The following CADM2 variants were observed in gnomAD, a reference collection of about 807,000 sequenced individuals.
CADM2 encodes the protein immunoglobulin superfamily member 4D.
A neutral mutation model predicts 49.8 loss-of-function variants in CADM2; 12 were observed. The ratio of observed to expected loss-of-function variants is 0.24; its 90% CI spans 0.15 to 0.39. CADM2 has a LOEUF of 0.39. CADM2 is among the 10% of genes least tolerant of loss of function. The pLI is 1.00. For missense variants in CADM2, 378 were observed against 492.3 expected (o/e 0.77, Z 2.20); for synonymous variants, 214 against 175.4 (o/e 1.22, Z -1.74).
chr3:85,678,945 C>T (rs1361953876), intron 1 of CADM2, among the ~76,000 whole-genome samples: 1 of 151,978 alleles, frequency 6.6e-6, no homozygotes, highest in Non-Finnish European at 1.5e-5. Flanking sequence ...CATAGGGCAG[C>T]CCCCCACAGT....
intron 1 of CADM2, among the ~76,000 whole-genome samples, chr3:85,111,836 A>G (rs1341677777): frequency 1.3e-5 from 2 of 151,900 alleles, no homozygotes; most frequent in Non-Finnish European, 2.9e-5. Context: ...TTTCAACTGT[A>G]AGATAAAATT....
At chr3:85,824,384 A>T (rs2073784675) in intron 3 of CADM2, among the ~76,000 whole-genome samples, 1 of 152,108 alleles carries the variant, frequency 6.6e-6, no homozygotes. Flanking sequence ...CTTGTGTGGG[A>T]AATAAAATGG....
At chr3:85,340,333 C>T (rs1394091511) in intron 1 of CADM2, among the ~76,000 whole-genome samples, 1 of 151,498 alleles carries the variant, frequency 6.6e-6, no homozygotes, top group Non-Finnish European at 1.5e-5. Context: ...TAAACACATA[C>T]TGTTCTCTGA....
intron 8 of CADM2, chr3:86,013,705 TAA>T (rs1731839096): frequency 6.3e-7 from 1 of 1,599,604 alleles, no homozygotes; most frequent in Non-Finnish European, 8.5e-7. Context: ...TCTCATAGCC[TAA>T]GAGAGGAATT....
chr3:85,623,869 A>G (rs571842170), intron 1 of CADM2, among the ~76,000 whole-genome samples: 63 of 152,250 alleles, frequency 4.1e-4, no homozygotes, highest in Admixed American at 3.5e-3. Context: ...TTTTTATTCC[A>G]AGACAAGTAA....
At position 84,978,188 on chromosome 3, in the gene CADM2, ATTTC is replaced by A. The variant is rs748955636; in HGVS notation, c.61+18527_61+18530del. On this transcript the variant is annotated intron_variant, in intron 1 of 9. Coordinates refer to ENST00000383699, the MANE Select transcript of CADM2 (RefSeq NM_001167675.2). ...TTTGTGTCACTATCAGGAATTATGTATTTCTTTCTTGTTAACGTGTATGTTTTCT... is the reference window on the plus strand; with the variant it reads ...TTTGTGTCACTATCAGGAATTATGTATTTCTTGTTAACGTGTATGTTTTCT... Among the ~76,000 whole-genome samples the A allele has an allele frequency of 3.2e-4, 49 of 152,172 alleles. 1 individual carries two copies. Among genetic ancestry groups the A allele is most frequent in the South Asian group, 2.7e-3 (13 of 4,826 alleles).
At position 85,746,976 on chromosome 3, in the gene CADM2, T is replaced by G. The variant is rs192092927; in HGVS notation, c.88+20428T>G. Among the ~76,000 whole-genome samples, 419 of 152,232 alleles carry G rather than the reference T, an allele frequency of 2.8e-3. 1 individual carries two copies. The highest frequency in any genetic ancestry group is 9.7e-3 in the African/African-American group (404 of 41,546). On this transcript the variant is annotated intron_variant, in intron 2 of 9. Transcript: ENST00000383699. ...ATTTTTGAATTTACATTTTCCCTGT[T>G]GTCAGGATACTGAATAACCTGACTT...
At position 85,953,966 on chromosome 3, in the gene CADM2, T is replaced by C. The variant is rs1723750048; in HGVS notation, c.792-7503T>C. ...AAATAGTTCTGAAGTTTTGTTTTTT[T>C]CTCATGCATACATGTATAAAGACTA... On this transcript the variant is annotated intron_variant, in intron 7 of 9. Transcript: ENST00000383699. 2.6e-5 allele frequency among the ~76,000 whole-genome samples: 4 copies of C among 150,978 alleles called. No individual in the cohort carries two copies. In the South Asian group the frequency reaches 8.3e-4, roughly 31 times the overall value.
chr3:85,025,883 C>T (rs1233941725), intron 1 of CADM2, among the ~76,000 whole-genome samples: 1 of 151,726 alleles, frequency 6.6e-6, no homozygotes, highest in Non-Finnish European at 1.5e-5. Context: ...TGCCCGGTAG[C>T]TCTTCTTTTA....
intron 1 of CADM2, among the ~76,000 whole-genome samples, chr3:85,074,760 T>G (rs1003739887): frequency 3.9e-5 from 6 of 152,202 alleles, no homozygotes; most frequent in Middle Eastern, 6.8e-3. Flanking sequence ...GTGTCAGCAT[T>G]GGAGAGGGAG....
chr3:84,986,900 A>G (rs903240377), intron 1 of CADM2, among the ~76,000 whole-genome samples: 2 of 151,692 alleles, frequency 1.3e-5, no homozygotes, highest in Admixed American at 1.3e-4. Context: ...AAAAATACAA[A>G]AATTAGCTGG....
chr3:85,863,292 C>T (rs2075604750), intron 3 of CADM2, among the ~76,000 whole-genome samples: 1 of 152,046 alleles, frequency 6.6e-6, no homozygotes, highest in Non-Finnish European at 1.5e-5. Context: ...ATGTCCCCTC[C>T]AAAATCATGT....
At chr3:85,372,989 G>A (rs1020756619) in intron 1 of CADM2, among the ~76,000 whole-genome samples, 6 of 152,040 alleles carry the variant, frequency 3.9e-5, no homozygotes, top group African/African-American at 9.7e-5. Flanking sequence ...TGAGATTTGG[G>A]TGGAGACACA....
chr3:85,983,049 T>G (rs1355108416), intron 8 of CADM2, among the ~76,000 whole-genome samples: 1 of 151,772 alleles, frequency 6.6e-6, no homozygotes, highest in East Asian at 1.9e-4. Flanking sequence ...TATCTCCATT[T>G]ACACTTTTAC....
intron 1 of CADM2, among the ~76,000 whole-genome samples, chr3:85,269,942 C>T (rs1317339604): frequency 6.6e-6 from 1 of 151,022 alleles, no homozygotes; most frequent in Non-Finnish European, 1.5e-5. Flanking sequence ...TATATTGTAA[C>T]CCACAATATC....
intron 1 of CADM2, among the ~76,000 whole-genome samples, chr3:85,694,933 AAAAAT>A (rs1242010020): frequency 7.0e-6 from 1 of 143,346 alleles, no homozygotes; most frequent in East Asian, 2.0e-4. Context: ...TATCTCTAAA[AAAAAT>A]AAAATAAAAA....
At chr3:85,879,764 A>C (rs1022571970) in intron 3 of CADM2, among the ~76,000 whole-genome samples, 4 of 152,188 alleles carry the variant, frequency 2.6e-5, no homozygotes, top group Non-Finnish European at 5.9e-5. Flanking sequence ...ATGAAACAAC[A>C]TCACAACGAG....
At chr3:85,032,956 A>G (rs1245718490) in intron 1 of CADM2, among the ~76,000 whole-genome samples, 6 of 152,002 alleles carry the variant, frequency 3.9e-5, no homozygotes, top group Non-Finnish European at 8.8e-5. Flanking sequence ...ATGCTGAGAG[A>G]TTTTCAGTAA....
At chr3:85,751,411 G>A (rs964470229) in intron 2 of CADM2, among the ~76,000 whole-genome samples, 22 of 152,206 alleles carry the variant, frequency 1.4e-4, no homozygotes, top group African/African-American at 4.8e-4. Context: ...TCATCTTAAT[G>A]ACATGTTTAA....
Sources: allele counts gnomAD v4.1 joint callset (sites outside exome capture counted in the v4.1 genomes callset), GRCh38; gene constraint gnomAD v4.1.1; transcripts MANE v1.5; gene names NCBI Gene and HGNC (gene_info 2026-07-23, HGNC 2026-07-21).